The following SLIT2 variants were observed in gnomAD, a reference collection of about 807,000 sequenced individuals.
SLIT2 encodes the protein slit guidance ligand 2, also known as slit homolog 2 protein.
SLIT2 carries 41 observed loss-of-function variants against 185.7 expected under a neutral mutation model. The ratio of observed to expected loss-of-function variants is 0.22; its 90% CI spans 0.17 to 0.29. SLIT2 has a LOEUF of 0.29. Among genes scored for constraint, SLIT2 ranks in the 10% least tolerant of loss-of-function variants. The pLI is 1.00. For synonymous variants in SLIT2, 693 were observed against 680.2 expected (o/e 1.02, Z -0.29); for missense variants, 1,571 against 1,909.0 (o/e 0.82, Z 3.30).
chr4:20,580,184 C>T (rs551275029), intron 29 of SLIT2, among the ~76,000 whole-genome samples: 1 of 150,540 alleles, frequency 6.6e-6, no homozygotes, highest in South Asian at 2.1e-4. Flanking sequence ...CCTCAGCCTC[C>T]CAAGTAGCTG....
At chr4:20,551,130 A>G (rs541485333) in intron 25 of SLIT2, among the ~76,000 whole-genome samples, 2 of 152,300 alleles carry the variant, frequency 1.3e-5, no homozygotes, top group Non-Finnish European at 2.9e-5. Context: ...TTAGCTAAAC[A>G]TGTCTCTTCT....
chr4:20,585,730 C>T (rs113304434), intron 29 of SLIT2, among the ~76,000 whole-genome samples: 100 of 152,262 alleles, frequency 6.6e-4, no homozygotes, highest in Middle Eastern at 3.4e-3. Context: ...TTTCTGTCAC[C>T]TCACACTTTA....
At chr4:20,472,317 T>TATATATCTATATATATATAG (rs1715254972) in intron 5 of SLIT2, among the ~76,000 whole-genome samples, 6 of 32,028 alleles carry the variant, frequency 1.9e-4, no homozygotes, top group Non-Finnish European at 1.9e-4. Flanking sequence ...TATATATAGA[T>TATATATCTATATATATATAG]ATATATATCT....
At chr4:20,376,049 C>T (rs1723989236) in intron 4 of SLIT2, among the ~76,000 whole-genome samples, 1 of 140,366 alleles carries the variant, frequency 7.1e-6, no homozygotes, top group African/African-American at 2.6e-5. Context: ...ACATAAATAA[C>T]ATATCTATAA....
Position 20,618,903 on chromosome 4 carries a change from T to G in SLIT2, c.4484T>G (p.Leu1495Arg), listed in dbSNP as rs1436448673. ...GCAGGAGGGCAGTGCTGTGGACCGC[T>G]GAGGAGCAAGCGGCGGAAATACTCT... ...GCAGGQCCGPLRSKRRKYSFE... is the reference protein window; with the variant it reads ...GCAGGQCCGPRRSKRRKYSFE... Residue 1495 changes from leucine to arginine, a missense_variant, in exon 37 of 37, where the codon CTG becomes CGG. Around this residue, in one of 3 missense-constraint regions of SLIT2, gnomAD observed 223 missense variants for 245.2 expected, o/e 0.91. Transcript: ENST00000504154. 6.2e-7 allele frequency: 1 copy of G among 1,614,106 alleles called. No individual in the cohort carries two copies. The highest frequency in any genetic ancestry group is 8.5e-7 in the Non-Finnish European group (1 of 1,180,010).
rs868228978 is a variant in SLIT2 at position 20,252,141 on chromosome 4, G to A, written c.-1675G>A. 9.2e-5 allele frequency among the ~76,000 whole-genome samples: 14 copies of A among 152,084 alleles called. No individual in the cohort carries two copies. Among genetic ancestry groups the A allele is most frequent in the African/African-American group, 2.9e-4 (12 of 41,456 alleles). On this transcript the variant is annotated 5_prime_UTR_variant, in exon 1 of 37. Transcript: ENST00000504154. Reference sequence around the variant, plus strand: ...AGGGGAGCGCCGGGGGCCCGCAGCCGGCTCCGGAGGCGCGGGCCGGGTTTT... The same window carrying A: ...AGGGGAGCGCCGGGGGCCCGCAGCCAGCTCCGGAGGCGCGGGCCGGGTTTT...
At chr4:20,575,927 T>C (rs920833694) in intron 29 of SLIT2, among the ~76,000 whole-genome samples, 3 of 152,074 alleles carry the variant, frequency 2.0e-5, no homozygotes, top group African/African-American at 7.2e-5. Flanking sequence ...GGGTTTCTCT[T>C]CCTGGCACGA....
At chr4:20,503,247 A>C (rs1299729896) in intron 9 of SLIT2, among the ~76,000 whole-genome samples, 4 of 152,194 alleles carry the variant, frequency 2.6e-5, no homozygotes, top group Non-Finnish European at 5.9e-5. Flanking sequence ...ATGTTATACA[A>C]TGTGGAGAAT....
At chr4:20,355,507 T>C (rs1722245003) in intron 4 of SLIT2, among the ~76,000 whole-genome samples, 1 of 152,212 alleles carries the variant, frequency 6.6e-6, no homozygotes, top group African/African-American at 2.4e-5. Context: ...TCAAGGTGTG[T>C]ATTCAGGACA....
chr4:20,618,145 G>C (rs904073760), intron 36 of SLIT2, among the ~76,000 whole-genome samples: 11 of 152,166 alleles, frequency 7.2e-5, no homozygotes, highest in Admixed American at 3.9e-4. Context: ...TGAGAGGAAC[G>C]GAAACAGGCT....
chr4:20,356,679 AACAC>A (rs1394876131), intron 4 of SLIT2, among the ~76,000 whole-genome samples: 2 of 152,174 alleles, frequency 1.3e-5, no homozygotes, highest in East Asian at 3.9e-4. Context: ...AAAAAGGATA[AACAC>A]ACACAGTGTA....
chr4:20,553,190 T>C (rs1723929722), intron 25 of SLIT2, among the ~76,000 whole-genome samples: 1 of 152,178 alleles, frequency 6.6e-6, no homozygotes, highest in African/African-American at 2.4e-5. Context: ...ATCTGTATCA[T>C]TATTCCCAAC....
At chr4:20,311,905 A>G (rs66960874) in intron 4 of SLIT2, among the ~76,000 whole-genome samples, 36,289 of 152,054 alleles carry the variant, frequency 0.24, 5,269 homozygotes, top group East Asian at 0.61. Flanking sequence ...TTAGCTTTCT[A>G]ATACAAGAAA....
chr4:20,439,303 G>T (rs1322262307), intron 4 of SLIT2, among the ~76,000 whole-genome samples: 4 of 152,162 alleles, frequency 2.6e-5, no homozygotes, highest in South Asian at 4.1e-4. Flanking sequence ...TTAAACAAAA[G>T]AAATTTATTG....
chr4:20,595,601 T>C lies in SLIT2; in HGVS notation c.3183-96T>C. On this transcript the variant is annotated intron_variant, in intron 30 of 36. Transcript: ENST00000504154. ...GCTCTATGAGCCTATTCTAAATAAG[T>C]ATTTTAAAGATGGTGCCATTGTGTC... is the stretch of plus-strand genomic sequence containing the variant. 2.0e-6 allele frequency: 3 copies of C among 1,466,604 alleles called. No homozygotes were observed. In the South Asian group the frequency reaches 3.7e-5, roughly 18 times the overall value. The allele number at this position is 1,466,604 out of a possible 1,614,324, so 90.8% of individuals were successfully genotyped here.
At chr4:20,463,466 T>TAG (rs1713961030) in intron 4 of SLIT2, among the ~76,000 whole-genome samples, 1 of 83,320 alleles carries the variant, frequency 1.2e-5, no homozygotes, top group Non-Finnish European at 2.5e-5. Flanking sequence ...TATATATATA[T>TAG]ATATATATAT....
chr4:20,472,301 T>TATCTATATAG (rs1560452973), intron 5 of SLIT2, among the ~76,000 whole-genome samples: 1 of 13,688 alleles, frequency 7.3e-5, no homozygotes, highest in Non-Finnish European at 1.2e-4. Context: ...TATAGATATA[T>TATCTATATAG]AGATCTATAT....
At position 20,376,115 on chromosome 4, in the gene SLIT2, CTTTTTT is replaced by C. The variant is rs71653881; in HGVS notation, c.396-91616_396-91611del. ...CAATGAGAAGAATATCATTGTTTAA[CTTTTTT>C]TTTTTTTTTTTTTTTTTTTTACAAA... On this transcript the variant is annotated intron_variant, in intron 4 of 36. Transcript: ENST00000504154. 9.4e-4 allele frequency among the ~76,000 whole-genome samples: 75 copies of C among 79,670 alleles called. 1 individual carries two copies. In the South Asian group the frequency reaches 0.023, roughly 24 times the overall value. 52.3% of individuals were successfully genotyped at this position (79,670 alleles called of 152,430 possible).
chr4:20,513,355 G>C (rs941562644), intron 11 of SLIT2, among the ~76,000 whole-genome samples: 1 of 152,170 alleles, frequency 6.6e-6, no homozygotes, highest in Non-Finnish European at 1.5e-5. Flanking sequence ...AGTTATTTTA[G>C]AGAAAGCCCA....
Sources: allele counts gnomAD v4.1 joint callset (sites outside exome capture counted in the v4.1 genomes callset), GRCh38; gene constraint gnomAD v4.1.1; regional missense constraint gnomAD v4.1.1; transcripts MANE v1.5; gene names NCBI Gene and HGNC (gene_info 2026-07-23, HGNC 2026-07-21).